PRPF4: variants seen among roughly 807,000 people sequenced by gnomAD.
The protein encoded by PRPF4 is U4/U6 small nuclear ribonucleoprotein Prp4.
PRPF4 carries 14 observed loss-of-function variants against 72.2 expected under a neutral mutation model. That is an observed-to-expected ratio of 0.19 (90% CI 0.13 to 0.30). The LOEUF (loss-of-function observed/expected upper bound fraction) is 0.30. Ranked by LOEUF, PRPF4 falls within the 10% of genes least tolerant of loss-of-function variation. The pLI is 1.00. For missense variants in PRPF4, 478 were observed against 653.9 expected, an observed-to-expected ratio of 0.73 and a Z score of 2.93; for synonymous variants, 225 against 232.2, an observed-to-expected ratio of 0.97 and a Z score of 0.28.
chr9:113,288,718 A>G (rs1040469725), intron 10 of PRPF4, among the ~76,000 whole-genome samples: 2 of 152,120 alleles, frequency 1.3e-5, no homozygotes, highest in South Asian at 4.1e-4. Flanking sequence ...ATTATAGATA[A>G]CAGGTAACGC....
intron 10 of PRPF4, among the ~76,000 whole-genome samples, chr9:113,288,702 GC>G (rs1832523835): frequency 6.6e-6 from 1 of 152,090 alleles, no homozygotes; most frequent in Admixed American, 6.6e-5. Context: ...CTCCCAAAGT[GC>G]TGGGATTATA....
At chr9:113,285,593 T>C (rs759928719) in intron 7 of PRPF4, among the ~76,000 whole-genome samples, 1 of 151,554 alleles carries the variant, frequency 6.6e-6, no homozygotes, top group Non-Finnish European at 1.5e-5. Context: ...TTAGCCAGGA[T>C]GGGCTCGATC....
chr9:113,282,639 T>TTA lies in PRPF4; in HGVS notation c.393-6_393-5dup. ...TAAATTCTGATCTTTTTTTTTTTTT[T>TTA]TAACAGGTTAAGAAATATCCTCTCA... On this transcript the variant is annotated splice_region_variant and splice_polypyrimidine_tract_variant and intron_variant, in intron 3 of 13. Transcript: ENST00000374198. The TTA allele has an allele frequency of 6.4e-7, 1 of 1,571,314 alleles. No individual in the cohort carries two copies. Among genetic ancestry groups the TTA allele is most frequent in the South Asian group, 1.2e-5 (1 of 85,396 alleles).
At position 113,291,458 on chromosome 9, in the gene PRPF4, C is replaced by T; in HGVS notation, c.1373-9C>T. The T allele has an allele frequency of 6.2e-7, 1 of 1,606,126 alleles. No individual in the cohort carries two copies. The highest frequency in any genetic ancestry group is 8.5e-7 in the Non-Finnish European group (1 of 1,173,430). ...TTCCTCAAGCAATTCCCCTTCTCTT[C>T]TCCTGTAGCTATCCATGGGAACTTC... On this transcript the variant is annotated splice_polypyrimidine_tract_variant and intron_variant, in intron 13 of 13. Coordinates refer to ENST00000374198, the MANE Select transcript of PRPF4 (RefSeq NM_001244926.2).
In PRPF4 at chr9:113,276,436, C is replaced by G. The variant is rs796367801; in HGVS notation, c.28-112C>G. 8.2e-6 allele frequency: 10 copies of G among 1,215,924 alleles called. No homozygotes were observed. In the African/African-American group the frequency reaches 1.2e-4, roughly 15 times the overall value. 75.3% of individuals were successfully genotyped at this position (1,215,924 alleles called of 1,614,324 possible). ...TTAAGTAGTGTCCAATTTGTCCTTT[C>G]AATTACAGAGGAAACAGGACTGTGA... On this transcript the variant is annotated intron_variant, in intron 1 of 13. Coordinates refer to ENST00000374198, the MANE Select transcript of PRPF4 (RefSeq NM_001244926.2).
At position 113,276,554 on chromosome 9, in the gene PRPF4, A is replaced by G; in HGVS notation, c.34A>G (p.Lys12Glu). ...ASSRASSTATKTKAPDDLVAP... is the reference protein window; with the variant it reads ...ASSRASSTATETKAPDDLVAP... ...CAGATCTTTGATTTAGCAGGCAACC[A>G]AAACTAAAGCACCCGACGACTTAGT... The change falls in exon 2 of 14, where the codon AAA becomes GAA. Residue 12 changes from lysine to glutamate, a missense_variant. Physicochemically the swap from Lys to Glu is moderately conservative, Grantham distance 56. Transcript: ENST00000374198. The G allele has an allele frequency of 6.2e-7, 1 of 1,614,218 alleles. No individual in the cohort carries two copies. Among genetic ancestry groups the G allele is most frequent in the Middle Eastern group, 1.6e-4 (1 of 6,062 alleles).
At chr9:113,276,486 G>A in intron 1 of PRPF4, 62 bp from the exon 2 acceptor site, 1 of 1,572,656 alleles carries the variant, frequency 6.4e-7, no homozygotes, top group Non-Finnish European at 8.8e-7. Flanking sequence ...TTCATCCTCT[G>A]GTGAAGTCCG....
intron 3 of PRPF4, among the ~76,000 whole-genome samples, chr9:113,282,262 C>T (rs562833245): frequency 6.6e-6 from 1 of 152,198 alleles, no homozygotes; most frequent in African/African-American, 2.4e-5. Flanking sequence ...CACTTGAGCC[C>T]AGAAGTTCAA....
intron 3 of PRPF4, among the ~76,000 whole-genome samples, chr9:113,279,525 T>C (rs4524864): frequency 0.2 from 30,341 of 151,936 alleles, 3,440 homozygotes; most frequent in Admixed American, 0.26. Context: ...CACCACATTT[T>C]TCTTTTTTGT....
At chr9:113,279,184 C>T in intron 3 of PRPF4, 53 bp downstream of exon 3, 1 of 1,505,406 alleles carries the variant, frequency 6.6e-7, no homozygotes, top group East Asian at 2.4e-5. Flanking sequence ...CAGGGTTCTA[C>T]TCCAAATTTT....
intron 7 of PRPF4, among the ~76,000 whole-genome samples, chr9:113,285,428 G>T (rs997253318): frequency 2.3e-5 from 3 of 127,850 alleles, no homozygotes; most frequent in Non-Finnish European, 4.7e-5. Context: ...GGCCAGGCTG[G>T]AGTGCAGTGG....
intron 5 of PRPF4, 56 bp downstream of exon 5, chr9:113,283,267 C>G (rs1832335566): frequency 6.2e-7 from 1 of 1,613,992 alleles, no homozygotes; most frequent in Non-Finnish European, 8.5e-7. Flanking sequence ...TGTTTCCTCT[C>G]AGGAACTGAG....
intron 6 of PRPF4, among the ~76,000 whole-genome samples, chr9:113,283,694 A>G (rs766685032): frequency 9.2e-5 from 14 of 151,776 alleles, no homozygotes; most frequent in Non-Finnish European, 1.6e-4. Context: ...TCTATTCTTT[A>G]TTTCTCCCCG....
chr9:113,287,944 A>G (rs1021067888), intron 9 of PRPF4, among the ~76,000 whole-genome samples: 4 of 152,202 alleles, frequency 2.6e-5, no homozygotes, highest in Non-Finnish European at 5.9e-5. Context: ...TACCAAAACT[A>G]TGTGATTTCT....
At chr9:113,279,353 T>TTGTTC (rs1832204591) in intron 3 of PRPF4, among the ~76,000 whole-genome samples, 1 of 90,758 alleles carries the variant, frequency 1.1e-5, no homozygotes, top group Non-Finnish European at 2.9e-5. Context: ...TTGTTTTGTT[T>TTGTTC]TGTTTTGTTT....
In PRPF4 at chr9:113,284,318, G is replaced by A; in HGVS notation, c.678G>A (p.Gln226=). The A allele has an allele frequency of 6.2e-7, 1 of 1,612,396 alleles. No homozygotes were observed. Among genetic ancestry groups the A allele is most frequent in the South Asian group, 1.1e-5 (1 of 91,044 alleles). The change falls in exon 7 of 14, where the codon CAG becomes CAA. Residue 226 remains glutamine, a synonymous_variant. Transcript: ENST00000374198. ...SLRSLNNFCS[Q]IGDDRPISYC... ...AGTCTTTGAATAATTTTTGCAGTCAGATTGGGGATGATCGGCCTATCTCCT... is the reference window on the plus strand; with the variant it reads ...AGTCTTTGAATAATTTTTGCAGTCAAATTGGGGATGATCGGCCTATCTCCT...
At chr9:113,288,030 G>A (rs1832500144) in intron 9 of PRPF4, 145 bp from the exon 10 acceptor site, 1 of 635,592 alleles carries the variant, frequency 1.6e-6, no homozygotes, top group South Asian at 2.2e-5. Flanking sequence ...TGACTATTTT[G>A]CTTATTGGGC....
chr9:113,289,125 T>A (rs143992375), intron 10 of PRPF4, among the ~76,000 whole-genome samples: 1 of 152,376 alleles, frequency 6.6e-6, no homozygotes, highest in Non-Finnish European at 1.5e-5. Context: ...TGTGAATTCA[T>A]TTGTGGCAGG....
rs764315540 is a variant in PRPF4 at position 113,283,397 on chromosome 9, A to G, written c.569A>G (p.Lys190Arg). 3.7e-6 allele frequency: 6 copies of G among 1,614,196 alleles called. No homozygotes were observed. ...IANYSLPRAMKRLEEARLHKE... is the reference protein window; with the variant it reads ...IANYSLPRAMRRLEEARLHKE... ...GTGTTTCTGTGTCGCAGGGCAATGA[A>G]ACGCTTGGAAGAGGCCCGACTCCAT... Residue 190 changes from lysine to arginine, a missense_variant, in exon 6 of 14, where the codon AAA becomes AGA. By Grantham distance (26) the Lys-to-Arg change is conservative (BLOSUM62 2). Coordinates refer to ENST00000374198, the MANE Select transcript of PRPF4 (RefSeq NM_001244926.2).
Sources: gnomAD v4.1 joint callset for allele counts (sites outside exome capture counted in the v4.1 genomes callset) on GRCh38, gnomAD v4.1.1 for gene constraint, MANE v1.5 for transcripts, NCBI Gene and HGNC (gene_info 2026-07-23, HGNC 2026-07-21) for gene names.